The following ABCC6 variants were observed in gnomAD, a reference collection of about 807,000 sequenced individuals.
ABCC6 encodes ATP binding cassette subfamily C member 6.
ABCC6 carries 126 observed loss-of-function variants against 169.5 expected under a neutral mutation model. That is an observed-to-expected ratio of 0.74 (90% confidence interval 0.64 to 0.86). ABCC6 has a LOEUF of 0.86. ABCC6 is among the 40% of genes least tolerant of loss of function. The pLI is 0.00. For missense variants in ABCC6, 1,733 were observed against 1,927.2 expected (o/e 0.90, Z 1.89); for synonymous variants, 752 against 814.7 (o/e 0.92, Z 1.31).
intron 21 of ABCC6, among the ~76,000 whole-genome samples, chr16:16,171,686 G>T (rs1426695606): frequency 2.6e-5 from 4 of 152,154 alleles, no homozygotes; most frequent in Admixed American, 6.6e-5. Flanking sequence ...TGTTAGGTGG[G>T]ATAGATGGAT....
In ABCC6 at chr16:16,197,891, G is replaced by A; in HGVS notation, c.1338+130C>T. 4 of 1,116,114 alleles carry A rather than the reference G, an allele frequency of 3.6e-6. No individual in the cohort carries two copies. In the Middle Eastern group the frequency reaches 8.3e-4, roughly 233 times the overall value. The allele number at this position is 1,116,114 out of a possible 1,614,324, so 69.1% of individuals were successfully genotyped here. On this transcript the variant is annotated intron_variant, in intron 10 of 30. Transcript: ENST00000205557. ...GCCTCAGACTTGCCCTAACCCTGGG[G>A]TCACAGCGGACCTCTTCCAGCCTCT...
At chr16:16,157,147 G>C (rs144276535) in intron 27 of ABCC6, among the ~76,000 whole-genome samples, 1 of 152,080 alleles carries the variant, frequency 6.6e-6, no homozygotes, top group Non-Finnish European at 1.5e-5. Flanking sequence ...TGTTGTGAGA[G>C]TGAAAACGCA....
chr16:16,181,111 C>G (rs1045644124), intron 17 of ABCC6, among the ~76,000 whole-genome samples: 1 of 152,010 alleles, frequency 6.6e-6, no homozygotes, highest in African/African-American at 2.4e-5. Flanking sequence ...CAAGACCAGC[C>G]TGGCCAACAT....
chr16:16,204,604 G>A (rs955813238), intron 7 of ABCC6, among the ~76,000 whole-genome samples: 7 of 152,184 alleles, frequency 4.6e-5, no homozygotes, highest in African/African-American at 1.7e-4. Context: ...GTGAGGGAGG[G>A]AGAGGAGGAG....
At chr16:16,201,710 C>T (rs1310873468) in intron 9 of ABCC6, among the ~76,000 whole-genome samples, 1 of 152,138 alleles carries the variant, frequency 6.6e-6, no homozygotes, top group Non-Finnish European at 1.5e-5. Flanking sequence ...TGTCTATAGT[C>T]CCAGTTACTC....
At position 16,161,582 on chromosome 16, in the gene ABCC6, A is replaced by G; in HGVS notation, c.3507-18T>C. 6.2e-7 allele frequency: 1 copy of G among 1,613,826 alleles called. No individual in the cohort carries two copies. Among genetic ancestry groups the G allele is most frequent in the Non-Finnish European group, 8.5e-7 (1 of 1,180,010 alleles). ...CAAGCCACCTGCAAAGGGAAGCGAC[A>G]GCAGGGTGAGTGGTTACTCTCATCT... On this transcript the variant is annotated intron_variant, in intron 24 of 30. Coordinates refer to ENST00000205557, the MANE Select transcript of ABCC6 (RefSeq NM_001171.6).
At chr16:16,197,336 G>A (rs2048072938) in intron 10 of ABCC6, among the ~76,000 whole-genome samples, 2 of 152,094 alleles carry the variant, frequency 1.3e-5, no homozygotes, top group Admixed American at 1.3e-4. Flanking sequence ...AAGGTCAAGT[G>A]AAGGTCATCC....
At chr16:16,220,016 C>T (rs2141221144) in intron 2 of ABCC6, 69 bp from the exon 3 acceptor site, 1 of 1,526,470 alleles carries the variant, frequency 6.6e-7, no homozygotes, top group Non-Finnish European at 8.9e-7. Context: ...TAGGCGGCCC[C>T]ATGTCCAACT....
At chr16:16,205,427 T>TA (rs1383386311) in intron 7 of ABCC6, among the ~76,000 whole-genome samples, 16 of 151,980 alleles carry the variant, frequency 1.1e-4, no homozygotes, top group African/African-American at 3.9e-4. Context: ...AAAATAATAA[T>TA]AAAAAAAGAA....
intron 14 of ABCC6, among the ~76,000 whole-genome samples, chr16:16,185,476 T>A (rs1014676406): frequency 2.0e-5 from 3 of 151,686 alleles, no homozygotes; most frequent in Admixed American, 1.3e-4. Context: ...CTTCCCAGAG[T>A]GAAGGGGGTG....
rs558203375 is a variant in ABCC6 at position 16,203,639 on chromosome 16, T to C, written c.795-26A>G. The stretch of plus-strand genomic sequence containing the variant: ...CTGAGGGGAAGGGAGAGATTAGCTC[T>C]GGGTCCCATTTTATACTCTCAGCCG... On this transcript the variant is annotated intron_variant, in intron 7 of 30. Coordinates refer to ENST00000205557, the MANE Select transcript of ABCC6 (RefSeq NM_001171.6). The C allele has an allele frequency of 3.1e-5, 50 of 1,612,964 alleles. No individual in the cohort carries two copies. The East Asian group carries it at 1.0e-3, about 32-fold the overall frequency.
At chr16:16,212,784 T>C (rs1026495795) in intron 5 of ABCC6, among the ~76,000 whole-genome samples, 2 of 152,022 alleles carry the variant, frequency 1.3e-5, no homozygotes, top group African/African-American at 2.4e-5. Context: ...CAACTATGAT[T>C]ATACTGAAAC....
intron 20 of ABCC6, 119 bp downstream of exon 20, chr16:16,175,792 A>C: frequency 8.6e-7 from 1 of 1,166,022 alleles, no homozygotes; most frequent in Non-Finnish European, 1.2e-6. Flanking sequence ...GGACTTCAGC[A>C]GGTTCTCTAT....
rs63750135 is a variant in ABCC6 at position 16,150,197 on chromosome 16, G to A, written c.4448C>T (p.Pro1483Leu). 79 of 1,613,704 alleles carry A rather than the reference G, an allele frequency of 4.9e-5. No homozygotes were observed. The Middle Eastern group carries it at 8.4e-4, about 17-fold the overall frequency. ...DKGQVAESGSPAQLLAQKGLF... is the reference protein window; with the variant it reads ...DKGQVAESGSLAQLLAQKGLF... ...GCCCTTCTGGGCCAGCAGCTGGGCC[G>A]GGCTGCCGCTCTCTGCCACCTGCCC... Residue 1483 changes from proline to leucine, a missense_variant, in exon 31 of 31, where the codon CCG becomes CTG. By Grantham distance (98) the Pro-to-Leu change is moderately conservative. This residue lies in a region of ABCC6 where 1,601 missense variants were observed against 1,635.5 expected (regional missense o/e 0.98). Transcript: ENST00000205557.
intron 19 of ABCC6, 99 bp from the exon 20 acceptor site, chr16:16,176,085 C>T (rs1299527287): frequency 3.4e-6 from 4 of 1,189,130 alleles, no homozygotes; most frequent in Non-Finnish European, 5.0e-6. Flanking sequence ...ATCCATTTCC[C>T]CTGATCTGGC....
At chr16:16,150,302 T>C in intron 30 of ABCC6, 61 bp from the exon 31 acceptor site, 12 of 1,609,636 alleles carry the variant, frequency 7.5e-6, no homozygotes, top group Non-Finnish European at 1.0e-5. Flanking sequence ...TCGGCAGCTG[T>C]GAGAGCCCAG....
chr16:16,192,779 T>G, intron 11 of ABCC6, 51 bp downstream of exon 11: 1 of 1,537,276 alleles, frequency 6.5e-7, no homozygotes. Flanking sequence ...CCAGGACCTG[T>G]GGCTTCCTCC....
intron 11 of ABCC6, among the ~76,000 whole-genome samples, chr16:16,190,700 C>A (rs1471047519): frequency 6.7e-6 from 1 of 149,920 alleles, no homozygotes; most frequent in Non-Finnish European, 1.5e-5. Context: ...TTTTTTTTTA[C>A]CTTTTACATT....
At chr16:16,177,743 G>C (rs1596646565) in intron 18 of ABCC6, 117 bp from the exon 19 acceptor site, 1 of 1,279,988 alleles carries the variant, frequency 7.8e-7, no homozygotes, top group East Asian at 2.3e-5. Context: ...AGAAGTTCGA[G>C]ACCAGCCTGG....
Sources: allele counts gnomAD v4.1 joint callset (sites outside exome capture counted in the v4.1 genomes callset), GRCh38; gene constraint gnomAD v4.1.1; regional missense constraint gnomAD v4.1.1; transcripts MANE v1.5; gene names NCBI Gene and HGNC (gene_info 2026-07-23, HGNC 2026-07-21).